Variants in ASAP1 observed in about 807,000 individuals in gnomAD.
ASAP1 encodes ArfGAP with SH3 domain, ankyrin repeat and PH domain 1, also known as arf-GAP with SH3 domain, ANK repeat and PH domain-containing protein 1.
A neutral mutation model predicts 145.2 loss-of-function variants in ASAP1; 43 were observed. The observed-to-expected ratio is 0.30, with a 90% CI of 0.23 to 0.38. The LOEUF is 0.38. Among genes scored for constraint, ASAP1 ranks in the 10% least tolerant of loss-of-function variants. ASAP1 has a pLI of 1.00. For synonymous variants in ASAP1, 546 were observed against 515.5 expected (o/e 1.06, Z -0.80); for missense variants, 1,018 against 1,355.3 (o/e 0.75, Z 3.91).
At chr8:130,311,224 T>G (rs902421060) in intron 3 of ASAP1, among the ~76,000 whole-genome samples, 8 of 152,224 alleles carry the variant, frequency 5.3e-5, no homozygotes, top group Admixed American at 3.9e-4. Context: ...CATGGGTCAT[T>G]TTAAAATTCT....
intron 14 of ASAP1, 126 bp from the exon 15 acceptor site, chr8:130,134,470 C>T (rs945282823): frequency 7.9e-5 from 41 of 516,944 alleles, no homozygotes; most frequent in East Asian, 1.0e-4. Context: ...TTTAGTTTTA[C>T]GCCATTATGT....
intron 3 of ASAP1, among the ~76,000 whole-genome samples, chr8:130,315,576 G>A (rs1474585461): frequency 6.6e-6 from 1 of 152,192 alleles, no homozygotes; most frequent in Non-Finnish European, 1.5e-5. Context: ...GAATTAGGCT[G>A]AGCCAAGAAA....
At chr8:130,191,132 G>T (rs62525881) in intron 5 of ASAP1, among the ~76,000 whole-genome samples, 3 of 151,930 alleles carry the variant, frequency 2.0e-5, no homozygotes, top group Non-Finnish European at 2.9e-5. Context: ...ATCTACAAAG[G>T]AGAAGGAAAT....
intron 3 of ASAP1, among the ~76,000 whole-genome samples, chr8:130,323,278 A>G (rs553576624): frequency 1.1e-4 from 17 of 152,182 alleles, no homozygotes; most frequent in Non-Finnish European, 2.2e-4. Context: ...CTGGACACTC[A>G]TTTAGGGATG....
intron 3 of ASAP1, among the ~76,000 whole-genome samples, chr8:130,356,505 C>A (rs1826317219): frequency 6.6e-6 from 1 of 151,636 alleles, no homozygotes; most frequent in Non-Finnish European, 1.5e-5. Context: ...TAATCCCAGA[C>A]GAGTATAACA....
Position 130,054,540 on chromosome 8 carries a change from G to T in ASAP1, c.*191C>A. 1 of 529,912 alleles carries T rather than the reference G, an allele frequency of 1.9e-6. No homozygotes were observed. 32.8% of individuals were successfully genotyped at this position (529,912 alleles called of 1,614,324 possible). A position where few individuals can be genotyped will look rare whatever the true frequency, so the allele number is the denominator to read the frequency against. On this transcript the variant is annotated 3_prime_UTR_variant, in exon 30 of 30. Coordinates refer to ENST00000518721, the MANE Select transcript of ASAP1 (RefSeq NM_018482.4). ...AACCAGTAAGGCGCGCCGGGTCCGA[G>T]GCTACCCTCATACTGGTGAAGGCAG...
rs140693681 is a variant in ASAP1 at position 130,111,803 on chromosome 8, T to C, written c.2401+291A>G. 1.1e-3 allele frequency among the ~76,000 whole-genome samples: 170 copies of C among 152,294 alleles called. 1 individual carries two copies. Among genetic ancestry groups the C allele is most frequent in the African/African-American group, 3.8e-3 (158 of 41,566 alleles). ...ACCTTGGGCTGGTCAGTGTATCTCATTGAGCCTTAGTTTCCTCTTCTGTAA... is the reference window on the plus strand; with the variant it reads ...ACCTTGGGCTGGTCAGTGTATCTCACTGAGCCTTAGTTTCCTCTTCTGTAA... On this transcript the variant is annotated intron_variant, in intron 24 of 29. Coordinates refer to ENST00000518721, the MANE Select transcript of ASAP1 (RefSeq NM_018482.4).
chr8:130,426,969 T>C (rs1487901520), intron 1 of ASAP1, among the ~76,000 whole-genome samples: 1 of 152,118 alleles, frequency 6.6e-6, no homozygotes, highest in Non-Finnish European at 1.5e-5. Context: ...GCCCCTAGAA[T>C]ACCACCGGCA....
At chr8:130,270,805 T>C (rs998342199) in intron 3 of ASAP1, among the ~76,000 whole-genome samples, 1 of 152,240 alleles carries the variant, frequency 6.6e-6, no homozygotes, top group African/African-American at 2.4e-5. Flanking sequence ...CCACTGTTTC[T>C]CTCTACCTTT....
rs1218607894 is a variant in ASAP1 at position 130,058,038 on chromosome 8, G to A, written c.3231C>T (p.Asp1077=). The A allele has an allele frequency of 6.2e-7, 1 of 1,614,218 alleles. No homozygotes were observed. The highest frequency in any genetic ancestry group is 1.1e-5 in the South Asian group (1 of 91,088). ...GCTCGTCATCGTTGTCTGCCTGGCA[G>A]TCATAAATGGTCTTCACTCGCCTCA... ...NKVRRVKTIY[D]CQADNDDELT... Residue 1077 remains aspartate (D), a synonymous_variant, in exon 29 of 30, where the codon GAC becomes GAT. Transcript: ENST00000518721.
intron 2 of ASAP1, among the ~76,000 whole-genome samples, chr8:130,377,872 G>A (rs778980184): frequency 5.9e-5 from 9 of 152,106 alleles, no homozygotes; most frequent in Non-Finnish European, 1.3e-4. Context: ...CTGGGTGCCC[G>A]ACTAATCTCT....
chr8:130,116,227 TAAGC>T (rs1260143488), intron 22 of ASAP1, among the ~76,000 whole-genome samples: 4 of 152,204 alleles, frequency 2.6e-5, no homozygotes, highest in Non-Finnish European at 5.9e-5. Context: ...CCTGACTTGC[TAAGC>T]AAGAACTAGT....
At chr8:130,369,191 TA>T (rs368250342) in intron 2 of ASAP1, among the ~76,000 whole-genome samples, 1 of 152,238 alleles carries the variant, frequency 6.6e-6, no homozygotes, top group African/African-American at 2.4e-5. Flanking sequence ...GTGTTTCAGA[TA>T]TTTTTTTTTA....
At chr8:130,417,217 C>T (rs574823162) in intron 1 of ASAP1, among the ~76,000 whole-genome samples, 12 of 120,292 alleles carry the variant, frequency 1.0e-4, no homozygotes, top group African/African-American at 3.5e-4. Context: ...AAACAACCCA[C>T]GTACAACTGC....
At chr8:130,226,264 ATTTGT>A (rs1022916749) in intron 4 of ASAP1, among the ~76,000 whole-genome samples, 8 of 152,112 alleles carry the variant, frequency 5.3e-5, no homozygotes, top group African/African-American at 1.4e-4. Context: ...CCGGAAAATA[ATTTGT>A]TTTAACTTTA....
chr8:130,434,460 T>G (rs1031584749), intron 1 of ASAP1, among the ~76,000 whole-genome samples: 3 of 152,158 alleles, frequency 2.0e-5, no homozygotes, highest in African/African-American at 7.2e-5. Context: ...TTTCATAGGG[T>G]TATTATGAGG....
At chr8:130,109,460 G>A (rs2097543169) in intron 24 of ASAP1, among the ~76,000 whole-genome samples, 1 of 152,050 alleles carries the variant, frequency 6.6e-6, no homozygotes, top group East Asian at 1.9e-4. Context: ...TATCTCAAGT[G>A]TCTGTTTCTG....
intron 3 of ASAP1, among the ~76,000 whole-genome samples, chr8:130,265,653 C>A (rs1218188392): frequency 6.6e-6 from 1 of 151,532 alleles, no homozygotes; most frequent in Non-Finnish European, 1.5e-5. Context: ...GGTGGGCAGA[C>A]TGCTAGAGCC....
chr8:130,376,630 G>A (rs1406188934), intron 2 of ASAP1, among the ~76,000 whole-genome samples: 1 of 152,128 alleles, frequency 6.6e-6, no homozygotes, highest in Non-Finnish European at 1.5e-5. Flanking sequence ...GGAGGCTGAG[G>A]CAAGAGAATC....
Sources: allele counts gnomAD v4.1 joint callset (sites outside exome capture counted in the v4.1 genomes callset), GRCh38; gene constraint gnomAD v4.1.1; transcripts MANE v1.5; gene names NCBI Gene and HGNC (gene_info 2026-07-23, HGNC 2026-07-21).